The following CSMD1 variants were observed in gnomAD, a reference collection of about 807,000 sequenced individuals.
CSMD1 encodes the protein CUB and sushi domain-containing protein 1.
In CSMD1, 213 loss-of-function variants were observed where a neutral mutation model predicts 417.5. That is an observed-to-expected ratio of 0.51 (90% confidence interval 0.46 to 0.57). The LOEUF (loss-of-function observed/expected upper bound fraction) is 0.57, where lower values mean the gene tolerates loss of function less well. Among genes scored for constraint, CSMD1 ranks in the 20% least tolerant of loss-of-function variants. The pLI, the probability that CSMD1 is intolerant of heterozygous loss-of-function variation, is 0.00. For synonymous variants in CSMD1, 2,862 were observed against 1,736.8 expected (o/e 1.65, Z -16.11); for missense variants, 6,923 against 4,529.7 (o/e 1.53, Z -15.17).
intron 3 of CSMD1, among the ~76,000 whole-genome samples, chr8:4,308,341 G>C (rs1032614960): frequency 1.3e-5 from 2 of 151,956 alleles, no homozygotes; most frequent in Non-Finnish European, 2.9e-5. Context: ...TGTATCGTTT[G>C]TGGTGCGTGT....
chr8:4,575,969 C>G (rs1336676540), intron 2 of CSMD1, among the ~76,000 whole-genome samples: 1 of 152,212 alleles, frequency 6.6e-6, no homozygotes, highest in African/African-American at 2.4e-5. Flanking sequence ...GTAAATCCAC[C>G]TCCACCACCA....
intron 6 of CSMD1, among the ~76,000 whole-genome samples, chr8:3,725,955 C>A (rs78969985): frequency 6.6e-6 from 1 of 152,044 alleles, no homozygotes; most frequent in African/African-American, 2.4e-5. Flanking sequence ...AAGCAATGAA[C>A]AGAAAAAACA....
intron 5 of CSMD1, among the ~76,000 whole-genome samples, chr8:3,814,166 G>A (rs1354849096): frequency 1.3e-5 from 2 of 152,174 alleles, no homozygotes; most frequent in Admixed American, 1.3e-4. Context: ...CCCCAGCGTG[G>A]AAGTCAAGAT....
Position 3,992,817 on chromosome 8 carries a change from A to G in CSMD1, c.818+5086T>C, listed in dbSNP as rs2688373. Among the ~76,000 whole-genome samples, 1,006 of 152,334 alleles carry G rather than the reference A, an allele frequency of 6.6e-3. 25 individuals carry two copies. The East Asian group carries it at 0.079, about 12-fold the overall frequency. On this transcript the variant is annotated intron_variant, in intron 5 of 69. Coordinates refer to ENST00000635120, the MANE Select transcript of CSMD1 (RefSeq NM_033225.6). ...ATTATAAAGGAAAGCACAAAAAACA[A>G]TTCGCCCATTTTAATTGGTGGCACT...
intron 1 of CSMD1, among the ~76,000 whole-genome samples, chr8:4,668,763 T>A (rs1805111856): frequency 6.6e-6 from 1 of 152,136 alleles, no homozygotes; most frequent in African/African-American, 2.4e-5. Context: ...AGTTTTCCAT[T>A]TCCAGTGTTC....
rs1005621153 is a variant in CSMD1 at position 4,479,296 on chromosome 8, G to A, written c.303-59231C>T. Reference sequence around the variant, plus strand: ...GTTGCATTTGTTTGCTTGTGAATGTGTTTTTCTTGGTAAGTATGAAAAAGG... The same window carrying A: ...GTTGCATTTGTTTGCTTGTGAATGTATTTTTCTTGGTAAGTATGAAAAAGG... On this transcript the variant is annotated intron_variant, in intron 2 of 69. Transcript: ENST00000635120. 3.9e-5 allele frequency among the ~76,000 whole-genome samples: 6 copies of A among 152,112 alleles called. No individual in the cohort carries two copies. The South Asian group carries it at 8.3e-4, about 21-fold the overall frequency.
chr8:4,465,223 TTGCTCTGAAGTTTGAGTATG>T (rs910441862), intron 2 of CSMD1, among the ~76,000 whole-genome samples: 5 of 152,140 alleles, frequency 3.3e-5, no homozygotes, highest in Non-Finnish European at 7.4e-5. Context: ...GTATACACAT[TTGCTCTGAAGTTTGAGTATG>T]TGTCTCTTTC....
rs1585071107 is a variant in CSMD1 at position 3,980,426 on chromosome 8, C to T, written c.818+17477G>A. ...AAAATATTCTTCCCACTTCTATGGTCAGGGAAATCTTCACATCTTACACGT... is the reference window on the plus strand; with the variant it reads ...AAAATATTCTTCCCACTTCTATGGTTAGGGAAATCTTCACATCTTACACGT... On this transcript the variant is annotated intron_variant, in intron 5 of 69. Coordinates refer to ENST00000635120, the MANE Select transcript of CSMD1 (RefSeq NM_033225.6). Among the ~76,000 whole-genome samples, 4 of 152,264 alleles carry T rather than the reference C, an allele frequency of 2.6e-5. No homozygotes were observed. The East Asian group carries it at 7.7e-4, about 29-fold the overall frequency.
At chr8:4,284,640 G>C (rs532772467) in intron 3 of CSMD1, among the ~76,000 whole-genome samples, 4 of 152,064 alleles carry the variant, frequency 2.6e-5, no homozygotes, top group Admixed American at 2.0e-4. Flanking sequence ...GTTCTCCAAG[G>C]GTGGACTCAG....
intron 5 of CSMD1, among the ~76,000 whole-genome samples, chr8:3,972,220 G>C (rs1011243423): frequency 1.3e-5 from 2 of 150,332 alleles, no homozygotes; most frequent in African/African-American, 4.9e-5. Flanking sequence ...AGAAAGCAGG[G>C]AGAAAAAAAA....
chr8:3,753,742 G>C lies in CSMD1; in HGVS notation c.931+188C>G, dbSNP rs774464978. ...AAACTATACATATCCTGTATACTGT[G>C]ATAGTGATATAGCTTTACTAATAAG... On this transcript the variant is annotated intron_variant, in intron 6 of 69. Coordinates refer to ENST00000635120, the MANE Select transcript of CSMD1 (RefSeq NM_033225.6). Among the ~76,000 whole-genome samples, 4 of 152,198 alleles carry C rather than the reference G, an allele frequency of 2.6e-5. No individual in the cohort carries two copies. In the South Asian group the frequency reaches 8.3e-4, roughly 32 times the overall value.
chr8:3,089,125 C>G (rs1814746398), intron 48 of CSMD1, among the ~76,000 whole-genome samples: 2 of 152,214 alleles, frequency 1.3e-5, no homozygotes, highest in South Asian at 4.1e-4. Flanking sequence ...AGCAGGGGCC[C>G]TGCCAGCCCA....
chr8:3,199,679 C>T (rs781251530), intron 33 of CSMD1, 35 bp downstream of exon 33: 13 of 1,424,874 alleles, frequency 9.1e-6, no homozygotes, highest in African/African-American at 1.4e-5. Context: ...GGAAAGACCA[C>T]AGTGACATGT....
At chr8:4,731,282 C>T (rs1809848596) in intron 1 of CSMD1, among the ~76,000 whole-genome samples, 1 of 152,202 alleles carries the variant, frequency 6.6e-6, no homozygotes, top group Non-Finnish European at 1.5e-5. Context: ...TTAGAGGCCA[C>T]CTTCCTCATG....
At chr8:4,605,157 C>CA in intron 2 of CSMD1, among the ~76,000 whole-genome samples, 1 of 152,216 alleles carries the variant, frequency 6.6e-6, no homozygotes, top group Admixed American at 6.5e-5. Context: ...TCACAATTCT[C>CA]AAAAAAGACA....
chr8:4,030,182 C>A (rs1026550776), intron 4 of CSMD1, among the ~76,000 whole-genome samples: 1 of 116,390 alleles, frequency 8.6e-6, no homozygotes, highest in Non-Finnish European at 1.7e-5. Flanking sequence ...AGGATGGTAG[C>A]CTTCTTCTCA....
intron 5 of CSMD1, among the ~76,000 whole-genome samples, chr8:3,798,519 A>T (rs1332482920): frequency 1.3e-5 from 2 of 152,086 alleles, no homozygotes; most frequent in Non-Finnish European, 2.9e-5. Context: ...AAAGAAGAGG[A>T]AAGACAGCAA....
chr8:3,180,969 A>G lies in CSMD1; in HGVS notation c.5725+141T>C, dbSNP rs1307811768. On this transcript the variant is annotated intron_variant, in intron 37 of 69. Coordinates refer to ENST00000635120, the MANE Select transcript of CSMD1 (RefSeq NM_033225.6). ...TATGTATTTCGTAGAGCCAGATTTC[A>G]TAACACTAAATTTCATGCAAGTCTT... 8 of 634,818 alleles carry G rather than the reference A, an allele frequency of 1.3e-5. No individual in the cohort carries two copies. The South Asian group carries it at 1.4e-4, about 11-fold the overall frequency. The allele number at this position is 634,818 out of a possible 1,614,324, so 39.3% of individuals were successfully genotyped here.
chr8:3,308,793 G>C (rs1388977083), intron 23 of CSMD1, among the ~76,000 whole-genome samples: 2 of 116,866 alleles, frequency 1.7e-5, no homozygotes, highest in Non-Finnish European at 3.3e-5. Flanking sequence ...GCGTGATCTT[G>C]CCTCACTGCA....
Sources: gnomAD v4.1 joint callset for allele counts (sites outside exome capture counted in the v4.1 genomes callset) on GRCh38, gnomAD v4.1.1 for gene constraint, MANE v1.5 for transcripts, NCBI Gene and HGNC (gene_info 2026-07-23, HGNC 2026-07-21) for gene names.